FBXO41: variants seen among roughly 807,000 people sequenced by gnomAD.
FBXO41 encodes F-box protein 41, also known as F-box only protein 41.
Under a neutral mutation model 81.6 loss-of-function variants are expected in FBXO41, and 33 were observed. The observed-to-expected ratio is 0.40, with a 90% confidence interval of 0.31 to 0.54. The LOEUF is 0.54. Ranked by LOEUF, FBXO41 falls within the 20% of genes least tolerant of loss-of-function variation. The pLI is 0.39. For synonymous variants in FBXO41, 576 were observed against 552.7 expected, an observed-to-expected ratio of 1.04 and a Z score of -0.59; for missense variants, 1,107 against 1,236.0, an observed-to-expected ratio of 0.90 and a Z score of 1.56.
chr2:73,262,078 C>A lies in FBXO41; in HGVS notation c.2171+1135G>T, dbSNP rs530091658. On this transcript the variant is annotated intron_variant, in intron 9 of 12. Transcript: ENST00000520530. ...TCTCTACTACAAATACAAAAATTAG[C>A]TGGGCATGGTGGCCCATGCCTGTAG... Among the ~76,000 whole-genome samples the A allele has an allele frequency of 6.9e-4, 105 of 152,142 alleles. 2 individuals carry two copies. The highest frequency in any genetic ancestry group is 1.3e-4 in the Non-Finnish European group (9 of 68,028).
intron 6 of FBXO41, 41 bp downstream of exon 6, chr2:73,264,237 G>A (rs763829266): frequency 1.2e-6 from 2 of 1,611,060 alleles, no homozygotes; most frequent in South Asian, 2.2e-5. Context: ...GGGGAAAGGT[G>A]GGTTCACAGC....
chr2:73,263,348 C>A, intron 8 of FBXO41, 40 bp from the exon 9 acceptor site: 1 of 1,424,192 alleles, frequency 7.0e-7, no homozygotes, highest in Non-Finnish European at 9.4e-7. Context: ...AGCAGGGTGG[C>A]TTATACTGGT....
In FBXO41 at chr2:73,263,842, C is replaced by G. The variant is rs758444099; in HGVS notation, c.1923-12G>C. On this transcript the variant is annotated splice_polypyrimidine_tract_variant and intron_variant, in intron 7 of 12. Coordinates refer to ENST00000520530, the MANE Select transcript of FBXO41 (RefSeq NM_001371389.2). ...CTTCCAGGCAGCCCCTGGGGATGAC[C>G]AAGAGGTCAGAGAGCTGGCAACCTC... The G allele has an allele frequency of 5.0e-6, 8 of 1,614,058 alleles. No homozygotes were observed. The East Asian group carries it at 1.6e-4, about 31-fold the overall frequency.
chr2:73,276,373 C>G (rs1398563505), intron 1 of FBXO41, among the ~76,000 whole-genome samples: 1 of 151,658 alleles, frequency 6.6e-6, no homozygotes, highest in Non-Finnish European at 1.5e-5. Flanking sequence ...CGCCATTGCA[C>G]TCCAGCCTGG....
intron 1 of FBXO41, among the ~76,000 whole-genome samples, chr2:73,273,605 C>T (rs767565302): frequency 2.6e-5 from 4 of 152,136 alleles, no homozygotes; most frequent in Admixed American, 6.5e-5. Context: ...ACAGTCACTT[C>T]GGGAGCTGTG....
intron 1 of FBXO41, chr2:73,271,259 G>T: frequency 3.5e-6 from 1 of 282,600 alleles, no homozygotes. Flanking sequence ...TCCTCCTCCT[G>T]GTAACAGCAC....
Position 73,265,531 on chromosome 2 carries a change from C to T in FBXO41, c.1315G>A (p.Gly439Ser). Reference protein sequence around the residue: ...EGAPEDSGPGGLGTRAQAANG... With the variant: ...EGAPEDSGPGSLGTRAQAANG... ...GCAGCCTGGGCCCGTGTGCCCAAGC[C>T]CCCAGGGCCACTGTCCTCAGGGGCC... The change falls in exon 5 of 13, where the codon GGC (glycine) becomes AGC (serine). Residue 439 changes from glycine to serine, a missense_variant. Physicochemically the swap from Gly to Ser is moderately conservative, Grantham distance 56. Transcript: ENST00000520530. 1 of 1,596,130 alleles carries T rather than the reference C, an allele frequency of 6.3e-7. No individual in the cohort carries two copies. Among genetic ancestry groups the T allele is most frequent in the Non-Finnish European group, 8.5e-7 (1 of 1,172,756 alleles).
In FBXO41 at chr2:73,265,657, C is replaced by T; in HGVS notation, c.1206-17G>A. ...CTGGAGGCCCTGGGGCAGGGTGGAC[C>T]ACACAGTAAGGGGTAAGAGGCACCA... On this transcript the variant is annotated splice_polypyrimidine_tract_variant and intron_variant, in intron 4 of 12. Coordinates refer to ENST00000520530, the MANE Select transcript of FBXO41 (RefSeq NM_001371389.2). The T allele has an allele frequency of 6.7e-7, 1 of 1,491,098 alleles. No homozygotes were observed. Among genetic ancestry groups the T allele is most frequent in the Non-Finnish European group, 8.9e-7 (1 of 1,119,054 alleles). The allele number at this position is 1,491,098 out of a possible 1,614,324, so 92.4% of individuals were successfully genotyped here.
chr2:73,260,598 C>T lies in FBXO41; in HGVS notation c.2291-51G>A, dbSNP rs1270794129. 1.5e-5 allele frequency: 24 copies of T among 1,552,598 alleles called. No individual in the cohort carries two copies. Among genetic ancestry groups the T allele is most frequent in the Non-Finnish European group, 2.1e-5 (24 of 1,148,104 alleles). On this transcript the variant is annotated intron_variant, in intron 10 of 12. Transcript: ENST00000520530. The surrounding 1 kb of genome is among the most constrained non-coding windows in gnomAD (Gnocchi z 5.0). ...TGCTGACACACTCCCCAGGTCACCC[C>T]TGCAGCCAGCACCCTGGCTACCACC...
chr2:73,272,953 C>T lies in FBXO41; in HGVS notation c.-138-3185G>A, dbSNP rs150028870. On this transcript the variant is annotated intron_variant, in intron 1 of 12. Transcript: ENST00000520530. ...CCCAAACATGCACCCTTCAATGCCC[C>T]TCTCACAGAGACAGCAAAATCAGAG... is the stretch of plus-strand genomic sequence containing the variant. The T allele has an allele frequency of 5.3e-5, 8 of 152,354 alleles. No individual in the cohort carries two copies. In the East Asian group the frequency reaches 1.2e-3, roughly 22 times the overall value. 9.4% of individuals were successfully genotyped at this position (152,354 alleles called of 1,614,324 possible). A position where few individuals can be genotyped will look rare whatever the true frequency, so the allele number is the denominator to read the frequency against.
Position 73,256,177 on chromosome 2 carries a change from T to C in FBXO41, c.*2805A>G, listed in dbSNP as rs898383656. The C allele has an allele frequency of 3.3e-5, 5 of 152,148 alleles. No individual in the cohort carries two copies. The highest frequency in any genetic ancestry group is 1.2e-4 in the African/African-American group (5 of 41,422). 9.4% of individuals were successfully genotyped at this position (152,148 alleles called of 1,614,324 possible). A position where few individuals can be genotyped will look rare whatever the true frequency, so the allele number is the denominator to read the frequency against. On this transcript the variant is annotated 3_prime_UTR_variant, in exon 13 of 13. Coordinates refer to ENST00000520530, the MANE Select transcript of FBXO41 (RefSeq NM_001371389.2). ...GGGCCCCTGGAGCAGGGCTGCTTGC[T>C]CTCAGATATTCCTTTCTTGCATCTT... is the stretch of plus-strand genomic sequence containing the variant.
At position 73,260,530 on chromosome 2, in the gene FBXO41, G is replaced by A. The variant is rs1478658901; in HGVS notation, c.2308C>T (p.Leu770=). The change falls in exon 11 of 13, where the codon CTG becomes TTG. Residue 770 remains leucine (L), a synonymous_variant. Coordinates refer to ENST00000520530, the MANE Select transcript of FBXO41 (RefSeq NM_001371389.2). The surrounding 1 kb of genome is among the most constrained non-coding windows in gnomAD (Gnocchi z 5.0). ...LASLARNCMR[L]QVLELDHVSE... Reference sequence around the variant, plus strand: ...ACGTGGTCAAGCTCCAGGACCTGCAGCCGCATGCAGTTTCTCGCTAGGAAG... The same window carrying A: ...ACGTGGTCAAGCTCCAGGACCTGCAACCGCATGCAGTTTCTCGCTAGGAAG... The A allele has an allele frequency of 6.3e-7, 1 of 1,595,816 alleles. No homozygotes were observed. The highest frequency in any genetic ancestry group is 1.1e-5 in the South Asian group (1 of 87,854).
Position 73,265,331 on chromosome 2 carries a change from G to A in FBXO41, c.1515C>T (p.Pro505=), listed in dbSNP as rs553425086. 166 of 1,611,548 alleles carry A rather than the reference G, an allele frequency of 1.0e-4. No individual in the cohort carries two copies. In the South Asian group the frequency reaches 1.8e-3, roughly 17 times the overall value. Residue 505 remains proline, a synonymous_variant, in exon 5 of 13, where the codon CCC becomes CCT. Transcript: ENST00000520530. ...GCCCAGCCATAGCAGGCCCGGGGCG[G>A]GGCGCATCCAACGGGCCCTCAGCCT... ...ESEAEGPLDA[P]RPGPAMAGPL... is the part of the protein sequence containing the mutation.
intron 1 of FBXO41, among the ~76,000 whole-genome samples, chr2:73,283,500 CAG>C (rs995997420): frequency 3.3e-5 from 5 of 152,230 alleles, no homozygotes; most frequent in Non-Finnish European, 7.3e-5. Context: ...CCCCTCGCTG[CAG>C]AGAGACCTAA....
Position 73,259,723 on chromosome 2 carries a change from G to A in FBXO41, c.2450-427C>T, listed in dbSNP as rs1022247830. On this transcript the variant is annotated intron_variant, in intron 11 of 12. Coordinates refer to ENST00000520530, the MANE Select transcript of FBXO41 (RefSeq NM_001371389.2). This position sits in a 1 kb window ranked among gnomAD's most constrained non-coding sequence, Gnocchi z 4.2. ...CAGGGACTGGATATGTCGTGAAGTC[G>A]GGGGAGGTAGAGGAAGATCAGGCGA... Among the ~76,000 whole-genome samples the A allele has an allele frequency of 2.6e-5, 4 of 152,164 alleles. No individual in the cohort carries two copies. Among genetic ancestry groups the A allele is most frequent in the South Asian group, 2.1e-4 (1 of 4,830 alleles).
At chr2:73,263,457 T>TA (rs879811964) in intron 8 of FBXO41, 149 bp from the exon 9 acceptor site, 8,329 of 646,060 alleles carry the variant, frequency 0.013, no homozygotes, top group South Asian at 0.018. Context: ...CGTCTCCATT[T>TA]AAAAAAAAAA....
rs755439932 is a variant in FBXO41 at position 73,266,473 on chromosome 2, C to T, written c.1115G>A (p.Arg372Gln). 80 of 1,528,384 alleles carry T rather than the reference C, an allele frequency of 5.2e-5. No homozygotes were observed. The highest frequency in any genetic ancestry group is 6.7e-5 in the Non-Finnish European group (76 of 1,132,288). The allele number at this position is 1,528,384 out of a possible 1,614,324, so 94.7% of individuals were successfully genotyped here. ...GGGGGAGPNARGPGRMREHHV... is the reference protein window; with the variant it reads ...GGGGGAGPNAQGPGRMREHHV... ...GGCACTCACCATTCTGCCTGGGCCC[C>T]GGGCATTGGGTCCAGCACCACCGCC... is the stretch of plus-strand genomic sequence containing the variant. The change falls in exon 3 of 13, where the codon CGG (arginine) becomes CAG (glutamine). Residue 372 changes from arginine (R) to glutamine (Q), a missense_variant. Around this residue, in one of 2 missense-constraint regions of FBXO41, gnomAD observed 771 missense variants for 789.2 expected, o/e 0.98. Transcript: ENST00000520530. This position sits in a 1 kb window ranked among gnomAD's most constrained non-coding sequence, Gnocchi z 5.3.
Position 73,263,852 on chromosome 2 carries a change from G to A in FBXO41, c.1923-22C>T, listed in dbSNP as rs781100198. ...GCCCCTGGGGATGACCAAGAGGTCA[G>A]AGAGCTGGCAACCTCCTCCTCTGGG... On this transcript the variant is annotated intron_variant, in intron 7 of 12. Transcript: ENST00000520530. 5.0e-6 allele frequency: 8 copies of A among 1,614,052 alleles called. No homozygotes were observed. In the East Asian group the frequency reaches 1.8e-4, roughly 36 times the overall value.
rs1158921643 is a variant in FBXO41, at chr2:73,260,716, A to G, written c.2290+24T>C. On this transcript the variant is annotated intron_variant, in intron 10 of 12. Coordinates refer to ENST00000520530, the MANE Select transcript of FBXO41 (RefSeq NM_001371389.2). The surrounding 1 kb of genome is among the most constrained non-coding windows in gnomAD (Gnocchi z 5.0). ...CCATGCCTGCTTCCCACTACCCACC[A>G]CCCCAGTCCAAGGAAAGACTCACCG... 2.6e-6 allele frequency: 4 copies of G among 1,524,080 alleles called. No individual in the cohort carries two copies. The highest frequency in any genetic ancestry group is 2.5e-5 in the South Asian group (2 of 81,056). The allele number at this position is 1,524,080 out of a possible 1,614,324, so 94.4% of individuals were successfully genotyped here.
Sources: allele counts gnomAD v4.1 joint callset (sites outside exome capture counted in the v4.1 genomes callset), GRCh38; gene constraint gnomAD v4.1.1; regional missense constraint gnomAD v4.1.1; non-coding constraint Gnocchi (gnomAD v3.1); transcripts MANE v1.5; gene names NCBI Gene and HGNC (gene_info 2026-07-23, HGNC 2026-07-21).